POLR3GL: variants seen among roughly 807,000 people sequenced by gnomAD.
POLR3GL encodes the protein DNA-directed RNA polymerase III subunit RPC7-like.
A neutral mutation model predicts 32.4 loss-of-function variants in POLR3GL; 26 were observed. The ratio of observed to expected loss-of-function variants is 0.80; its 90% CI spans 0.59 to 1.11. The LOEUF (loss-of-function observed/expected upper bound fraction) is 1.11. POLR3GL is among the 50% of genes most tolerant of loss of function. The probability of loss-of-function intolerance (pLI) is 0.00; values close to 1 mark genes in which losing one functional copy is unlikely to be tolerated. For missense variants in POLR3GL, 229 were observed against 280.1 expected (o/e 0.82, Z 1.30); for synonymous variants, 95 against 98.7 (o/e 0.96, Z 0.22).
intron 1 of POLR3GL, among the ~76,000 whole-genome samples, chr1:145,967,116 G>C (rs1650072104): frequency 6.6e-6 from 1 of 151,360 alleles, no homozygotes; most frequent in Non-Finnish European, 1.5e-5. Flanking sequence ...ATGACAGCCT[G>C]CTTATTATTT....
intron 1 of POLR3GL, among the ~76,000 whole-genome samples, chr1:145,966,483 CAAAA>C (rs781955120): frequency 1.7e-4 from 10 of 57,764 alleles, no homozygotes; most frequent in Admixed American, 7.0e-4. Context: ...GAACCTGTCT[CAAAA>C]AAAAAAAAAA....
chr1:145,971,838 G>A (rs915985404), intron 1 of POLR3GL, among the ~76,000 whole-genome samples: 15 of 150,364 alleles, frequency 1.0e-4, no homozygotes, highest in Admixed American at 8.0e-4. Flanking sequence ...AGTGGCGTGC[G>A]CCCGTAATCC....
Position 145,978,540 on chromosome 1 carries a change from G to T in POLR3GL, c.*93G>T. 2.4e-6 allele frequency: 2 copies of T among 849,244 alleles called. No individual in the cohort carries two copies. The highest frequency in any genetic ancestry group is 2.9e-5 in the South Asian group (2 of 68,576). 52.6% of individuals were successfully genotyped at this position (849,244 alleles called of 1,614,324 possible). On this transcript the variant is annotated 3_prime_UTR_variant, in exon 8 of 8. Transcript: ENST00000369314. Reference sequence around the variant, plus strand: ...TTCAGACAAGCAAATCATTTGGTCAGAGTTCATATAATCTGTCTGTTCCCT... The same window carrying T: ...TTCAGACAAGCAAATCATTTGGTCATAGTTCATATAATCTGTCTGTTCCCT...
intron 1 of POLR3GL, among the ~76,000 whole-genome samples, chr1:145,972,376 A>G (rs1260552866): frequency 2.0e-5 from 3 of 149,422 alleles, no homozygotes; most frequent in African/African-American, 7.4e-5. Context: ...GCGAAACTCC[A>G]TCTCAAAAAA....
intron 1 of POLR3GL, among the ~76,000 whole-genome samples, chr1:145,965,931 C>T (rs1649999294): frequency 6.6e-6 from 1 of 151,136 alleles, no homozygotes; most frequent in Non-Finnish European, 1.5e-5. Flanking sequence ...GCCTGACCAA[C>T]GTGGAGAAAC....
Position 145,975,365 on chromosome 1 carries a change from C to A in POLR3GL, c.185C>A (p.Ala62Glu), listed in dbSNP as rs1650504452. Residue 62 changes from alanine to glutamate, a missense_variant, in exon 3 of 8, where the codon GCA (alanine) becomes GAA (glutamate). Ala to Glu is a moderately radical substitution (Grantham distance 107). Transcript: ENST00000369314. ...GGCGAGGAAGGGGAATATGTCCTGG[C>A]ACTGAAGCAAGAGCTACGAGGAGCC... ...PSGEEGEYVLALKQELRGAMR... is the reference protein window; with the variant it reads ...PSGEEGEYVLELKQELRGAMR... 6.2e-7 allele frequency: 1 copy of A among 1,614,068 alleles called. No homozygotes were observed. Among genetic ancestry groups the A allele is most frequent in the South Asian group, 1.1e-5 (1 of 91,096 alleles).
At chr1:145,977,888 T>A (rs1400640888) in intron 6 of POLR3GL, 37 bp downstream of exon 6, 16 of 1,613,780 alleles carry the variant, frequency 9.9e-6, no homozygotes, top group Non-Finnish European at 1.4e-5. Flanking sequence ...TCCTGAGCCC[T>A]GGATCCATTC....
At chr1:145,968,325 C>T (rs782704613) in intron 1 of POLR3GL, among the ~76,000 whole-genome samples, 1 of 152,126 alleles carries the variant, frequency 6.6e-6, no homozygotes, top group Non-Finnish European at 1.5e-5. Context: ...ATTTCCCAAC[C>T]TGTATTAAAT....
intron 4 of POLR3GL, 130 bp from the exon 5 acceptor site, chr1:145,977,353 C>T: frequency 1.1e-6 from 1 of 933,798 alleles, no homozygotes; most frequent in Non-Finnish European, 1.7e-6. Context: ...ATATCCAAGC[C>T]ACTGAACAAC....
At chr1:145,975,058 C>A (rs1553763209) in intron 2 of POLR3GL, 67 bp downstream of exon 2, 3 of 1,484,950 alleles carry the variant, frequency 2.0e-6, no homozygotes, top group Non-Finnish European at 2.7e-6. Flanking sequence ...ATTCTGAATT[C>A]CTCCTGGACC....
In POLR3GL at chr1:145,977,560, G is replaced by A. The variant is rs1264585116; in HGVS notation, c.382+21G>A. 2.5e-6 allele frequency: 4 copies of A among 1,610,398 alleles called. No individual in the cohort carries two copies. In the African/African-American group the frequency reaches 5.3e-5, roughly 21 times the overall value. ...GGAACGTGAGTGTATCTGGAAAAAA[G>A]GAGGGAGAAGAGAGGTTTCCTTCAT... On this transcript the variant is annotated intron_variant, in intron 5 of 7. Transcript: ENST00000369314.
chr1:145,977,859 G>C lies in POLR3GL; in HGVS notation c.456+8G>C. The stretch of plus-strand genomic sequence containing the variant: ...ACAATACAGAAACTAGAGGTGAGGA[G>C]GAAGTGTGCATAGAGACCTCCTGAG... On this transcript the variant is annotated splice_region_variant and intron_variant, in intron 6 of 7. Coordinates refer to ENST00000369314, the MANE Select transcript of POLR3GL (RefSeq NM_032305.3). 3 of 1,613,888 alleles carry C rather than the reference G, an allele frequency of 1.9e-6. No homozygotes were observed. The highest frequency in any genetic ancestry group is 2.5e-6 in the Non-Finnish European group (3 of 1,179,754).
rs115889685 is a variant in POLR3GL at position 145,967,772 on chromosome 1, C to G, written c.-42+3004C>G. 4.0e-3 allele frequency among the ~76,000 whole-genome samples: 603 copies of G among 152,278 alleles called. 4 individuals carry two copies. The highest frequency in any genetic ancestry group is 0.012 in the African/African-American group (510 of 41,546). ...CTCCATTTAAACCCCGTGGGTGCAG[C>G]ATGTTTTTGTCTGTTTTGCACACTG... On this transcript the variant is annotated intron_variant, in intron 1 of 7. Transcript: ENST00000369314.
chr1:145,977,449 G>C, intron 4 of POLR3GL, 34 bp from the exon 5 acceptor site: 2 of 1,602,756 alleles, frequency 1.2e-6, no homozygotes, highest in Non-Finnish European at 1.7e-6. Context: ...CCCAGGCAGG[G>C]TCCTATTGAC....
At chr1:145,968,034 A>C (rs1295001093) in intron 1 of POLR3GL, among the ~76,000 whole-genome samples, 10 of 152,216 alleles carry the variant, frequency 6.6e-5, no homozygotes, top group African/African-American at 2.4e-4. Context: ...TGTAATTGTT[A>C]GTGTTTTTCT....
At chr1:145,968,573 CT>C (rs1320272952) in intron 1 of POLR3GL, among the ~76,000 whole-genome samples, 7,923 of 137,510 alleles carry the variant, frequency 0.058, 261 homozygotes, top group South Asian at 0.12. Context: ...GTGACAAATT[CT>C]TTTTTTTTTT....
At position 145,977,981 on chromosome 1, in the gene POLR3GL, A is replaced by C. The variant is rs782795213; in HGVS notation, c.457-2A>C. 1.1e-5 allele frequency: 17 copies of C among 1,613,950 alleles called. No homozygotes were observed. The highest frequency in any genetic ancestry group is 1.7e-5 in the Admixed American group (1 of 60,018). ...TTCTATTCCTATTCATCCCCACATGAGACCCTGGAGAAGAAGGAAGAAGAA... is the reference window on the plus strand; with the variant it reads ...TTCTATTCCTATTCATCCCCACATGCGACCCTGGAGAAGAAGGAAGAAGAA... On this transcript the variant is annotated splice_acceptor_variant, in intron 6 of 7. Transcript: ENST00000369314. LOFTEE classifies it high-confidence loss of function.
At chr1:145,976,141 G>T (rs1307934146) in intron 3 of POLR3GL, among the ~76,000 whole-genome samples, 1 of 152,112 alleles carries the variant, frequency 6.6e-6, no homozygotes, top group Non-Finnish European at 1.5e-5. Context: ...CAGGCACAGT[G>T]GTGTGTGCCT....
intron 3 of POLR3GL, among the ~76,000 whole-genome samples, chr1:145,975,995 C>G (rs1004493508): frequency 6.6e-6 from 1 of 151,492 alleles, no homozygotes; most frequent in Admixed American, 6.6e-5. Context: ...TCATCATGGC[C>G]GGGTGCGGTG....
Sources: allele counts gnomAD v4.1 joint callset (sites outside exome capture counted in the v4.1 genomes callset), GRCh38; gene constraint gnomAD v4.1.1; transcripts MANE v1.5; gene names NCBI Gene and HGNC (gene_info 2026-07-23, HGNC 2026-07-21).